The following DOCK9 variants were observed in gnomAD, a reference collection of about 807,000 sequenced individuals.
DOCK9 encodes dedicator of cytokinesis protein 9.
A neutral mutation model predicts 263.3 loss-of-function variants in DOCK9; 89 were observed. The ratio of observed to expected loss-of-function variants is 0.34; its 90% CI spans 0.28 to 0.40. The LOEUF (loss-of-function observed/expected upper bound fraction) is 0.40. DOCK9 is among the 10% of genes least tolerant of loss of function. DOCK9 has a pLI of 1.00. For missense variants in DOCK9, 2,140 were observed against 2,603.4 expected, an observed-to-expected ratio of 0.82 and a Z score of 3.87; for synonymous variants, 976 against 973.1, an observed-to-expected ratio of 1.00 and a Z score of -0.06.
intron 1 of DOCK9, among the ~76,000 whole-genome samples, chr13:99,084,453 C>A (rs1157164479): frequency 6.6e-6 from 1 of 152,214 alleles, no homozygotes; most frequent in African/African-American, 2.4e-5. Flanking sequence ...AACAGCCGGG[C>A]ATCTGGCTCT....
chr13:98,995,787 C>T (rs753827272), intron 1 of DOCK9, among the ~76,000 whole-genome samples: 6 of 152,006 alleles, frequency 3.9e-5, no homozygotes, highest in Non-Finnish European at 7.4e-5. Flanking sequence ...TGCGCCCGGC[C>T]GGAAGATACT....
chr13:98,794,867 A>G (rs752954089), intron 52 of DOCK9, 119 bp from the exon 53 acceptor site: 7 of 1,096,894 alleles, frequency 6.4e-6, no homozygotes, highest in Non-Finnish European at 9.4e-6. Context: ...GTTTAAGGCA[A>G]TGTTGCCACG....
Position 98,874,251 on chromosome 13 carries a change from T to G in DOCK9, c.2943+5647A>C, listed in dbSNP as rs2094267278. On this transcript the variant is annotated intron_variant, in intron 27 of 52. Transcript: ENST00000682017. The stretch of plus-strand genomic sequence containing the variant: ...TATGGACCCAAATGGTATGTAGTCT[T>G]TTGTGTCTAACTTCTTTCAGTTCAT... Among the ~76,000 whole-genome samples the G allele has an allele frequency of 2.0e-5, 3 of 152,244 alleles. No homozygotes were observed. The South Asian group carries it at 6.2e-4, about 32-fold the overall frequency.
intron 33 of DOCK9, 123 bp downstream of exon 33, chr13:98,860,282 C>A: frequency 6.7e-7 from 1 of 1,486,494 alleles, no homozygotes; most frequent in Non-Finnish European, 9.0e-7. Context: ...GAAAAGAATA[C>A]TCAGGAAAGC....
intron 10 of DOCK9, among the ~76,000 whole-genome samples, chr13:98,904,205 A>G (rs1315195781): frequency 6.6e-6 from 1 of 152,234 alleles, no homozygotes; most frequent in Non-Finnish European, 1.5e-5. Context: ...ACACATACGT[A>G]TGGTTATGAG....
intron 15 of DOCK9, among the ~76,000 whole-genome samples, chr13:98,896,313 T>A (rs188204961): frequency 1.3e-5 from 2 of 152,216 alleles, no homozygotes; most frequent in Non-Finnish European, 2.9e-5. Flanking sequence ...GATTGGATTC[T>A]GATTAGGAAC....
intron 1 of DOCK9, among the ~76,000 whole-genome samples, chr13:99,078,266 G>GC (rs1446499167): frequency 3.3e-5 from 5 of 152,154 alleles, no homozygotes; most frequent in Non-Finnish European, 7.4e-5. Context: ...AAGAGGTGGT[G>GC]CCCCCCTTCG....
chr13:99,012,604 A>G (rs1355895489), intron 1 of DOCK9, among the ~76,000 whole-genome samples: 1 of 152,228 alleles, frequency 6.6e-6, no homozygotes, highest in East Asian at 1.9e-4. Context: ...GCAAACCCAC[A>G]TATGAAGATA....
At chr13:99,087,184 C>A (rs553531869), upstream of DOCK9, among the ~76,000 whole-genome samples, 3 of 152,168 alleles carry the variant, frequency 2.0e-5, no homozygotes, top group East Asian at 5.8e-4. Flanking sequence ...TGGCGCGGGG[C>A]GCCGCGCGCT....
intron 13 of DOCK9, among the ~76,000 whole-genome samples, chr13:98,900,667 T>C (rs1045108457): frequency 6.6e-6 from 1 of 152,130 alleles, no homozygotes; most frequent in African/African-American, 2.4e-5. Context: ...ACTGTCCCTA[T>C]GAGGAAGGCA....
intron 1 of DOCK9, among the ~76,000 whole-genome samples, chr13:98,976,904 T>C (rs1360746527): frequency 6.6e-6 from 1 of 150,840 alleles, no homozygotes; most frequent in Non-Finnish European, 1.5e-5. Flanking sequence ...AAGCAAACAC[T>C]TCATGGTAAC....
intron 1 of DOCK9, among the ~76,000 whole-genome samples, chr13:99,068,544 G>C (rs1368602753): frequency 6.6e-6 from 1 of 152,104 alleles, no homozygotes; most frequent in Non-Finnish European, 1.5e-5. Context: ...ATCGCGCCCT[G>C]CACTCCAGCC....
intron 19 of DOCK9, among the ~76,000 whole-genome samples, chr13:98,886,162 C>G (rs1174082116): frequency 6.6e-6 from 1 of 152,028 alleles, no homozygotes; most frequent in Non-Finnish European, 1.5e-5. Context: ...ACAGTGGTTT[C>G]AATGAATTAC....
At chr13:98,843,918 G>C (rs762991036) in intron 38 of DOCK9, among the ~76,000 whole-genome samples, 2 of 152,168 alleles carry the variant, frequency 1.3e-5, no homozygotes, top group Non-Finnish European at 2.9e-5. Flanking sequence ...TTTGTTTTCT[G>C]TGTTTCCTAA....
intron 45 of DOCK9, among the ~76,000 whole-genome samples, chr13:98,811,931 A>G (rs56178539): frequency 0.034 from 5,251 of 152,264 alleles, 293 homozygotes; most frequent in African/African-American, 0.12. Flanking sequence ...TTATTTTCTA[A>G]TGAAGTATAA....
At chr13:99,027,834 A>G (rs1301464760) in intron 1 of DOCK9, among the ~76,000 whole-genome samples, 1 of 152,180 alleles carries the variant, frequency 6.6e-6, no homozygotes, top group Non-Finnish European at 1.5e-5. Flanking sequence ...GCCAGTTCTG[A>G]GCCATCTCTC....
chr13:99,072,343 T>C (rs551845154), intron 1 of DOCK9, among the ~76,000 whole-genome samples: 29 of 152,288 alleles, frequency 1.9e-4, no homozygotes, highest in African/African-American at 5.8e-4. Context: ...AAGTAGGACA[T>C]TGTGTTTGGG....
At chr13:98,818,081 A>G (rs2140465372) in intron 45 of DOCK9, among the ~76,000 whole-genome samples, 1 of 152,336 alleles carries the variant, frequency 6.6e-6, no homozygotes, top group Middle Eastern at 3.4e-3. Flanking sequence ...CACAGATTTT[A>G]CCCAATAACA....
At chr13:99,032,727 A>T (rs1887482268) in intron 1 of DOCK9, among the ~76,000 whole-genome samples, 1 of 152,186 alleles carries the variant, frequency 6.6e-6, no homozygotes, top group African/African-American at 2.4e-5. Context: ...GTAGCTTTCC[A>T]CTTGAAATAC....
Sources: allele counts gnomAD v4.1 joint callset (sites outside exome capture counted in the v4.1 genomes callset), GRCh38; gene constraint gnomAD v4.1.1; transcripts MANE v1.5; gene names NCBI Gene and HGNC (gene_info 2026-07-23, HGNC 2026-07-21).